Variants in C12orf54 observed in about 807,000 individuals in gnomAD.
C12orf54 encodes chromosome 12 open reading frame 54, also known as uncharacterized protein C12orf54.
C12orf54 carries 24 observed loss-of-function variants against 26.4 expected under a neutral mutation model. The ratio of observed to expected loss-of-function variants is 0.91; its 90% CI spans 0.66 to 1.28. The LOEUF (loss-of-function observed/expected upper bound fraction) is 1.28. C12orf54 is among the 50% of genes most tolerant of loss of function. C12orf54 has a pLI of 0.00. For missense variants in C12orf54, 154 were observed against 150.9 expected, an observed-to-expected ratio of 1.02 and a Z score of -0.11; for synonymous variants, 54 against 47.0, an observed-to-expected ratio of 1.15 and a Z score of -0.61.
At chr12:48,490,953 G>A (rs1666721142) in intron 6 of C12orf54, 117 bp downstream of exon 6, 1 of 1,273,290 alleles carries the variant, frequency 7.9e-7, no homozygotes. Context: ...GTGAGATATG[G>A]AGTTCATCCC....
chr12:48,495,358 T>G (rs1937889780), intron 8 of C12orf54, among the ~76,000 whole-genome samples: 1 of 152,028 alleles, frequency 6.6e-6, no homozygotes, highest in Non-Finnish European at 1.5e-5. Flanking sequence ...GTCCTATAAT[T>G]CCCTCTGGAA....
chr12:48,464,662 T>C, the C12orf54 span, among the ~76,000 whole-genome samples: 1 of 152,120 alleles, frequency 6.6e-6, no homozygotes, highest in Non-Finnish European at 1.5e-5. Flanking sequence ...TTACCCAATT[T>C]TGAACTATAC....
chr12:48,423,166 G>T, the C12orf54 span, among the ~76,000 whole-genome samples: 7 of 152,160 alleles, frequency 4.6e-5, no homozygotes, highest in East Asian at 7.7e-4. Context: ...GAAGATATTA[G>T]AAGAGAACAT....
In C12orf54 at chr12:48,494,897, G is replaced by C; in HGVS notation, c.342G>C (p.Lys114Asn). Reference sequence around the variant, plus strand: ...CAGGAGGCCGTATCCACAACCTGAAGACACAGCTCTTCAGTCAATCAGCTT... The same window carrying C: ...CAGGAGGCCGTATCCACAACCTGAACACACAGCTCTTCAGTCAATCAGCTT... ...QPSGGRIHNL[K>N]TQLFSQSAYY... Residue 114 changes from lysine (K) to asparagine (N), a missense_variant, in exon 8 of 9, where the codon AAG becomes AAC. Coordinates refer to ENST00000548364, the MANE Select transcript of C12orf54 (RefSeq NM_152319.4). The C allele has an allele frequency of 6.2e-7, 1 of 1,613,112 alleles. No homozygotes were observed. The highest frequency in any genetic ancestry group is 8.5e-7 in the Non-Finnish European group (1 of 1,179,024).
At chr12:48,473,781 C>G in the C12orf54 span, among the ~76,000 whole-genome samples, 7 of 152,292 alleles carry the variant, frequency 4.6e-5, no homozygotes, top group Non-Finnish European at 1.0e-4. Flanking sequence ...GGTGGAAGTC[C>G]GCGGCTGGTC....
At chr12:48,428,952 A>G in the C12orf54 span, among the ~76,000 whole-genome samples, 1 of 152,208 alleles carries the variant, frequency 6.6e-6, no homozygotes, top group East Asian at 1.9e-4. Flanking sequence ...AAAACATATC[A>G]GAAAGATAAT....
intron 2 of C12orf54, 198 bp downstream of exon 2, chr12:48,483,559 A>G (rs1306894187): frequency 1.9e-6 from 1 of 536,668 alleles, no homozygotes; most frequent in African/African-American, 1.9e-5. Flanking sequence ...TGTCATTTTA[A>G]TTTAGAAATC....
the C12orf54 span, among the ~76,000 whole-genome samples, chr12:48,440,057 T>C: frequency 2.6e-5 from 4 of 151,958 alleles, no homozygotes; most frequent in Admixed American, 6.6e-5. Context: ...AAACCCTGTC[T>C]CTACTAAAAA....
At chr12:48,426,357 CT>C in the C12orf54 span, among the ~76,000 whole-genome samples, 1 of 152,008 alleles carries the variant, frequency 6.6e-6, no homozygotes, top group Admixed American at 6.6e-5. Flanking sequence ...TTCTCCATTG[CT>C]TCTTTTGTCA....
intron 2 of C12orf54, among the ~76,000 whole-genome samples, chr12:48,484,964 G>A (rs980845440): frequency 6.6e-6 from 1 of 152,190 alleles, no homozygotes; most frequent in Non-Finnish European, 1.5e-5. Context: ...CACTCCAGCT[G>A]GCAGAATTGT....
intron 2 of C12orf54, chr12:48,483,634 C>G (rs1480364336): frequency 5.8e-6 from 2 of 342,678 alleles, no homozygotes; most frequent in Non-Finnish European, 1.1e-5. Flanking sequence ...TAATTTATTC[C>G]AGGATTGACT....
chr12:48,440,706 C>T, the C12orf54 span, among the ~76,000 whole-genome samples: 1 of 152,214 alleles, frequency 6.6e-6, no homozygotes, highest in Non-Finnish European at 1.5e-5. Flanking sequence ...GCAGGATAAA[C>T]CAACATGTTA....
the C12orf54 span, among the ~76,000 whole-genome samples, chr12:48,425,949 A>G: frequency 8.0e-6 from 1 of 125,644 alleles, no homozygotes; most frequent in Admixed American, 8.9e-5. Flanking sequence ...TTTTTTTGTA[A>G]ATTTGTTTAA....
upstream of C12orf54, among the ~76,000 whole-genome samples, chr12:48,481,497 A>G (rs1464774555): frequency 6.6e-6 from 1 of 152,208 alleles, no homozygotes; most frequent in African/African-American, 2.4e-5. Flanking sequence ...GAGAGGGTCC[A>G]TGGTGGTCTC....
chr12:48,476,508 G>A, the C12orf54 span, among the ~76,000 whole-genome samples: 5 of 152,186 alleles, frequency 3.3e-5, no homozygotes, highest in Middle Eastern at 3.4e-3. Context: ...CCTATCTCAC[G>A]TGCAGAGACA....
At chr12:48,436,325 C>G in the C12orf54 span, among the ~76,000 whole-genome samples, 4 of 152,158 alleles carry the variant, frequency 2.6e-5, no homozygotes, top group Non-Finnish European at 4.4e-5. Flanking sequence ...CTTTAACACC[C>G]CACTGTCAAC....
the C12orf54 span, among the ~76,000 whole-genome samples, chr12:48,459,897 T>G: frequency 2.0e-5 from 3 of 152,162 alleles, no homozygotes; most frequent in African/African-American, 7.2e-5. Flanking sequence ...AGGTCTAGAC[T>G]TTTAACTGGA....
In C12orf54 at chr12:48,483,376, G is replaced by A. The variant is rs1954221313; in HGVS notation, c.65+15G>A. ...CAGCAGAGAAGGTAATGGGGCTAAT[G>A]ATGACCCTCAAACATCCTTAGATTG... On this transcript the variant is annotated intron_variant, in intron 2 of 8. Coordinates refer to ENST00000548364, the MANE Select transcript of C12orf54 (RefSeq NM_152319.4). The A allele has an allele frequency of 6.2e-7, 1 of 1,612,138 alleles. No individual in the cohort carries two copies.
chr12:48,426,066 C>T, the C12orf54 span, among the ~76,000 whole-genome samples: 73 of 151,740 alleles, frequency 4.8e-4, no homozygotes, highest in Admixed American at 4.7e-3. Context: ...TTTATTTCGC[C>T]GTGCAGAAGT....
Sources: gnomAD v4.1 joint callset for allele counts (sites outside exome capture counted in the v4.1 genomes callset) on GRCh38, gnomAD v4.1.1 for gene constraint, MANE v1.5 for transcripts, NCBI Gene and HGNC (gene_info 2026-07-23, HGNC 2026-07-21) for gene names.